ZNF484: variants seen among roughly 807,000 people sequenced by gnomAD.
ZNF484 encodes zinc finger protein 484.
In ZNF484, 11 loss-of-function variants were observed where a neutral mutation model predicts 12.9. The observed-to-expected ratio is 0.85, with a 90% CI of 0.54 to 1.41. The LOEUF is 1.41. Ranked by LOEUF, ZNF484 falls within the 40% of genes most tolerant of loss-of-function variation. ZNF484 has a pLI of 0.00. For missense variants in ZNF484, 807 were observed against 1,007.7 expected (o/e 0.80, Z 2.70); for synonymous variants, 289 against 334.1 (o/e 0.86, Z 1.47).
chr9:92,865,642 C>T (rs575194926), intron 2 of ZNF484, among the ~76,000 whole-genome samples: 2 of 152,218 alleles, frequency 1.3e-5, no homozygotes, highest in African/African-American at 2.4e-5. Context: ...TGCAGTGGCT[C>T]AGGCCTGTAA....
intron 1 of ZNF484, among the ~76,000 whole-genome samples, chr9:92,876,157 T>C (rs1414073512): frequency 6.6e-6 from 1 of 151,998 alleles, no homozygotes; most frequent in Non-Finnish European, 1.5e-5. Context: ...AAGGACAATG[T>C]GACAATGTGA....
Position 92,847,074 on chromosome 9 carries a change from C to G in ZNF484, c.1713G>C (p.Gln571His), listed in dbSNP as rs756291848. 9 of 1,613,948 alleles carry G rather than the reference C, an allele frequency of 5.6e-6. No homozygotes were observed. In the East Asian group the frequency reaches 1.6e-4, roughly 28 times the overall value. ...FIQKSTLSMHQRIHRGEKPYV... is the reference protein window; with the variant it reads ...FIQKSTLSMHHRIHRGEKPYV... The stretch of plus-strand genomic sequence containing the variant: ...ATGGTTTTTCCCCTCTATGAATTCT[C>G]TGGTGCATACTTAATGTTGACTTCT... The change falls in exon 5 of 5, where the codon CAG becomes CAC. Residue 571 changes from glutamine (Q) to histidine (H), a missense_variant. Gln to His is a conservative substitution (Grantham distance 24). Coordinates refer to ENST00000375495, the MANE Select transcript of ZNF484 (RefSeq NM_031486.4).
chr9:92,864,645 G>A (rs558689507), intron 2 of ZNF484, among the ~76,000 whole-genome samples: 4 of 152,184 alleles, frequency 2.6e-5, no homozygotes, highest in Non-Finnish European at 4.4e-5. Context: ...AAAAAATTCA[G>A]TACCACGTAA....
At chr9:92,856,374 TCAAAAAAAAAAAC>T (rs1856460176) in intron 2 of ZNF484, 56 bp from the exon 3 acceptor site, 1 of 1,378,580 alleles carries the variant, frequency 7.3e-7, no homozygotes, top group African/African-American at 1.7e-5. Flanking sequence ...ATATTTGAAT[TCAAAAAAAAAAAC>T]CTTTCAATGT....
intron 2 of ZNF484, among the ~76,000 whole-genome samples, chr9:92,860,599 A>G (rs1407187700): frequency 7.7e-5 from 9 of 116,436 alleles, no homozygotes; most frequent in Non-Finnish European, 1.1e-4. Context: ...GCGAGACTCC[A>G]TCTCAAAAAA....
At chr9:92,877,720 C>CCAGAGACCCCT in intron 1 of ZNF484, 170 bp downstream of exon 1, 1 of 1,476,140 alleles carries the variant, frequency 6.8e-7, no homozygotes, top group African/African-American at 1.4e-5. Context: ...AGATCCACCA[C>CCAGAGACCCCT]CAGAGACCCC....
chr9:92,867,275 G>A (rs1476677021), intron 2 of ZNF484, among the ~76,000 whole-genome samples: 2 of 152,238 alleles, frequency 1.3e-5, no homozygotes, highest in South Asian at 2.1e-4. Context: ...TCAGGAGATC[G>A]AGAACCTCCT....
rs770077495 is a variant in ZNF484 at position 92,846,368 on chromosome 9, T to C, written c.2419A>G (p.Ser807Gly). Residue 807 changes from serine to glycine, a missense_variant, in exon 5 of 5, where the codon AGT (serine) becomes GGT (glycine). Physicochemically the swap from Ser to Gly is moderately conservative, Grantham distance 56. Transcript: ENST00000375495. ...CAGTTTAAGGCTTTCCCCAAGTCAC[T>C]GCACTTATAGGGTTTCTGTTTAGTA... ...IHTKQKPYKC[S>G]DLGKALNWKP... The C allele has an allele frequency of 6.9e-5, 111 of 1,614,052 alleles. No homozygotes were observed. Among genetic ancestry groups the C allele is most frequent in the Non-Finnish European group, 8.7e-5 (103 of 1,180,016 alleles).
At chr9:92,869,732 T>G (rs939382929) in intron 2 of ZNF484, among the ~76,000 whole-genome samples, 1 of 152,162 alleles carries the variant, frequency 6.6e-6, no homozygotes, top group African/African-American at 2.4e-5. Flanking sequence ...AATACAAACA[T>G]GTTATTTAGA....
At chr9:92,851,636 C>T (rs1051145971) in intron 4 of ZNF484, among the ~76,000 whole-genome samples, 6 of 152,270 alleles carry the variant, frequency 3.9e-5, no homozygotes, top group Middle Eastern at 3.4e-3. Context: ...CAGAGTTGCC[C>T]GGTGTTATGG....
chr9:92,860,802 A>C (rs931297013), intron 2 of ZNF484, among the ~76,000 whole-genome samples: 1 of 152,158 alleles, frequency 6.6e-6, no homozygotes, highest in African/African-American at 2.4e-5. Flanking sequence ...AGCAGGCATT[A>C]TATAGACTGT....
At position 92,847,786 on chromosome 9, in the gene ZNF484, C is replaced by G; in HGVS notation, c.1001G>C (p.Gly334Ala). Residue 334 changes from glycine (G) to alanine (A), a missense_variant, in exon 5 of 5, where the codon GGA becomes GCA. Physicochemically the swap from Gly to Ala is moderately conservative, Grantham distance 60. Transcript: ENST00000375495. ...ATCTGACTTCTGGATAAAGGCTCTT[C>G]CATAGTCACTGCATTTATAGTAATT... is the stretch of plus-strand genomic sequence containing the variant. ...EGNYYKCSDY[G>A]RAFIQKSDLF... The G allele has an allele frequency of 1.9e-6, 3 of 1,614,008 alleles. No homozygotes were observed. The highest frequency in any genetic ancestry group is 2.5e-6 in the Non-Finnish European group (3 of 1,180,034).
At position 92,848,056 on chromosome 9, in the gene ZNF484, A is replaced by G; in HGVS notation, c.731T>C (p.Ile244Thr). 1.9e-6 allele frequency: 3 copies of G among 1,614,170 alleles called. No homozygotes were observed. Among genetic ancestry groups the G allele is most frequent in the Non-Finnish European group, 2.5e-6 (3 of 1,180,026 alleles). The change falls in exon 5 of 5, where the codon ATT becomes ACT. Residue 244 changes from isoleucine (I) to threonine (T), a missense_variant. Transcript: ENST00000375495. This position sits in a 1 kb window ranked among gnomAD's most constrained non-coding sequence, Gnocchi z 4.1. ...CAAATAGAGGCTCTCTCTAGTATGA[A>G]TTTTCTGTTGTTGAATGAGAGCTTG... is the stretch of plus-strand genomic sequence containing the variant. ...HKQALIQQQKIHTRESLYLFS... is the reference protein window; with the variant it reads ...HKQALIQQQKTHTRESLYLFS...
Position 92,875,076 on chromosome 9 carries a change from G to T in ZNF484, c.-30-17C>A. ...GGCAGAAATCTGAGAAAACAGATGGGTAGAGGTACCCATGAGAGAAGGAAC... is the reference window on the plus strand; with the variant it reads ...GGCAGAAATCTGAGAAAACAGATGGTTAGAGGTACCCATGAGAGAAGGAAC... On this transcript the variant is annotated splice_polypyrimidine_tract_variant and intron_variant, in intron 1 of 4. Transcript: ENST00000375495. The T allele has an allele frequency of 6.2e-7, 1 of 1,613,184 alleles. No individual in the cohort carries two copies. The highest frequency in any genetic ancestry group is 8.5e-7 in the Non-Finnish European group (1 of 1,179,572).
intron 2 of ZNF484, 143 bp from the exon 3 acceptor site, chr9:92,856,461 T>A: frequency 1.9e-6 from 1 of 539,088 alleles, no homozygotes; most frequent in Non-Finnish European, 3.0e-6. Context: ...TACAATATAC[T>A]ATAAAGAACT....
At chr9:92,849,033 A>T (rs1855894571) in intron 4 of ZNF484, among the ~76,000 whole-genome samples, 4 of 151,738 alleles carry the variant, frequency 2.6e-5, no homozygotes, top group Non-Finnish European at 5.9e-5. Flanking sequence ...AGGCTGAGGC[A>T]GGCGGATCAC....
chr9:92,859,870 G>A (rs1415115431), intron 2 of ZNF484, among the ~76,000 whole-genome samples: 1 of 152,250 alleles, frequency 6.6e-6, no homozygotes, highest in Non-Finnish European at 1.5e-5. Context: ...GTCAATGAGA[G>A]TTCCAGGTGT....
At chr9:92,849,631 T>C (rs9775485) in intron 4 of ZNF484, among the ~76,000 whole-genome samples, 74,119 of 151,426 alleles carry the variant, frequency 0.49, 19,152 homozygotes, top group African/African-American at 0.66. Flanking sequence ...TACAGAAAAA[T>C]GAAAAAACAA....
At chr9:92,864,040 G>C (rs773032445) in intron 2 of ZNF484, among the ~76,000 whole-genome samples, 5 of 152,150 alleles carry the variant, frequency 3.3e-5, no homozygotes, top group African/African-American at 1.2e-4. Flanking sequence ...TTAGTTGATG[G>C]GGTTGAATGC....
Sources: gnomAD v4.1 joint callset for allele counts (sites outside exome capture counted in the v4.1 genomes callset) on GRCh38, gnomAD v4.1.1 for gene constraint, Gnocchi (gnomAD v3.1) non-coding constraint, MANE v1.5 for transcripts, NCBI Gene and HGNC (gene_info 2026-07-23, HGNC 2026-07-21) for gene names.